ERBB4: variants seen among roughly 807,000 people sequenced by gnomAD.
The protein encoded by ERBB4 is erb-b2 receptor tyrosine kinase 4.
A neutral mutation model predicts 158.0 loss-of-function variants in ERBB4; 42 were observed. The ratio of observed to expected loss-of-function variants is 0.27; its 90% CI spans 0.21 to 0.34. ERBB4 has a LOEUF of 0.34. ERBB4 is among the 10% of genes least tolerant of loss of function. The pLI is 1.00. For synonymous variants in ERBB4, 583 were observed against 558.7 expected, an observed-to-expected ratio of 1.04 and a Z score of -0.61; for missense variants, 1,333 against 1,624.1, an observed-to-expected ratio of 0.82 and a Z score of 3.08.
intron 1 of ERBB4, among the ~76,000 whole-genome samples, chr2:212,176,704 A>G (rs1006099857): frequency 6.6e-6 from 1 of 151,948 alleles, no homozygotes; most frequent in East Asian, 1.9e-4. Flanking sequence ...TAAAGCTCCA[A>G]GTCTGGAATC....
At position 212,526,011 on chromosome 2, in the gene ERBB4, T is replaced by A. The variant is rs558769757; in HGVS notation, c.82+12438A>T. Among the ~76,000 whole-genome samples the A allele has an allele frequency of 4.0e-3, 603 of 152,170 alleles. 6 individuals are homozygous for A. The highest frequency in any genetic ancestry group is 0.014 in the African/African-American group (572 of 41,568). On this transcript the variant is annotated intron_variant, in intron 1 of 27. Transcript: ENST00000342788. Reference sequence around the variant, plus strand: ...TTTATTTTCTGCAGATCTGGAACAATTGAAATATTTTTGGTTCTCCTTTTT... The same window carrying A: ...TTTATTTTCTGCAGATCTGGAACAAATGAAATATTTTTGGTTCTCCTTTTT...
chr2:212,083,844 C>T (rs1266076685), intron 2 of ERBB4, among the ~76,000 whole-genome samples: 1 of 151,376 alleles, frequency 6.6e-6, no homozygotes, highest in Non-Finnish European at 1.5e-5. Context: ...TGTATGGTAT[C>T]CCAAACAGAA....
intron 3 of ERBB4, among the ~76,000 whole-genome samples, chr2:211,941,097 T>A (rs1474586756): frequency 6.6e-6 from 1 of 152,138 alleles, no homozygotes; most frequent in Admixed American, 6.6e-5. Flanking sequence ...GATGAGAGTA[T>A]CATTTCCAGA....
At chr2:211,504,818 A>G (rs2065704847) in intron 20 of ERBB4, among the ~76,000 whole-genome samples, 1 of 152,196 alleles carries the variant, frequency 6.6e-6, no homozygotes, top group Non-Finnish European at 1.5e-5. Context: ...CACAGTTGAA[A>G]GCTTCAACAA....
intron 1 of ERBB4, among the ~76,000 whole-genome samples, chr2:212,249,849 T>C (rs1417071897): frequency 1.3e-5 from 2 of 152,034 alleles, no homozygotes; most frequent in Admixed American, 6.6e-5. Flanking sequence ...TTTTTTCTTA[T>C]TTATGGCAAA....
chr2:212,182,510 G>A (rs1374627725), intron 1 of ERBB4, among the ~76,000 whole-genome samples: 2 of 151,738 alleles, frequency 1.3e-5, no homozygotes, highest in African/African-American at 4.8e-5. Flanking sequence ...TGAATCAAAG[G>A]ACATGAACAT....
At position 211,518,538 on chromosome 2, in the gene ERBB4, T is replaced by C. The variant is rs1399965684; in HGVS notation, c.2487+43365A>G. 5.3e-5 allele frequency among the ~76,000 whole-genome samples: 8 copies of C among 151,820 alleles called. No homozygotes were observed. The East Asian group carries it at 7.8e-4, about 15-fold the overall frequency. Reference sequence around the variant, plus strand: ...GGGTGGTGGTGCACACCTGTAATCCTGGCTACTCAGGAGGCTGAGGCAGGA... The same window carrying C: ...GGGTGGTGGTGCACACCTGTAATCCCGGCTACTCAGGAGGCTGAGGCAGGA... On this transcript the variant is annotated intron_variant, in intron 20 of 27. Transcript: ENST00000342788.
At chr2:211,941,477 T>C (rs2080494869) in intron 3 of ERBB4, among the ~76,000 whole-genome samples, 1 of 152,068 alleles carries the variant, frequency 6.6e-6, no homozygotes, top group Admixed American at 6.6e-5. Flanking sequence ...GTCTCTTGTG[T>C]AGGTCAAGAC....
intron 1 of ERBB4, among the ~76,000 whole-genome samples, chr2:212,249,082 C>G (rs1242895736): frequency 6.6e-6 from 1 of 151,968 alleles, no homozygotes; most frequent in Non-Finnish European, 1.5e-5. Context: ...AGGAACTAGA[C>G]CAGCAACAGA....
rs1228129467 is a variant in ERBB4 at position 211,477,239 on chromosome 2, C to T, written c.2488-46139G>A. On this transcript the variant is annotated intron_variant, in intron 20 of 27. Coordinates refer to ENST00000342788, the MANE Select transcript of ERBB4 (RefSeq NM_005235.3). ...TCCCTTGGACTCCAGCCTGCCAGCC[C>T]TACCCTGTGATTTTAGATTTACCAA... 6.2e-4 allele frequency among the ~76,000 whole-genome samples: 94 copies of T among 152,170 alleles called. 1 individual carries two copies. Among genetic ancestry groups the T allele is most frequent in the Non-Finnish European group, 1.5e-5 (1 of 67,980 alleles).
At chr2:212,483,903 A>G (rs1389700324) in intron 1 of ERBB4, among the ~76,000 whole-genome samples, 1 of 151,796 alleles carries the variant, frequency 6.6e-6, no homozygotes, top group Admixed American at 6.6e-5. Flanking sequence ...CGCCCCTCTA[A>G]TTTTTTTAAT....
chr2:211,493,465 A>T (rs1223995326), intron 20 of ERBB4, among the ~76,000 whole-genome samples: 1 of 152,052 alleles, frequency 6.6e-6, no homozygotes, highest in Non-Finnish European at 1.5e-5. Flanking sequence ...ATTACTAAAA[A>T]TCTCTTAAGA....
intron 1 of ERBB4, among the ~76,000 whole-genome samples, chr2:212,151,853 C>A (rs1416503119): frequency 6.6e-6 from 1 of 151,998 alleles, no homozygotes; most frequent in African/African-American, 2.4e-5. Context: ...TGCACCACTG[C>A]ACTCCAGCTA....
At chr2:212,315,014 T>C (rs2087209856) in intron 1 of ERBB4, among the ~76,000 whole-genome samples, 1 of 151,246 alleles carries the variant, frequency 6.6e-6, no homozygotes, top group Non-Finnish European at 1.5e-5. Context: ...CTTTCTGTAC[T>C]TTGAGATTAC....
chr2:212,487,038 T>C (rs529210740), intron 1 of ERBB4, among the ~76,000 whole-genome samples: 5 of 152,274 alleles, frequency 3.3e-5, no homozygotes, highest in Non-Finnish European at 5.9e-5. Flanking sequence ...CTGTTACTCA[T>C]GTTTGTGAAA....
rs374497887 is a variant in ERBB4, at chr2:212,215,737, T to C, written c.83-90834A>G. ...TGTGAAGGAAATCCCTATTAGCAATTTGATGCAAGTATAGCTTGCATATAT... is the reference window on the plus strand; with the variant it reads ...TGTGAAGGAAATCCCTATTAGCAATCTGATGCAAGTATAGCTTGCATATAT... On this transcript the variant is annotated intron_variant, in intron 1 of 27. Coordinates refer to ENST00000342788, the MANE Select transcript of ERBB4 (RefSeq NM_005235.3). 3.3e-5 allele frequency among the ~76,000 whole-genome samples: 5 copies of C among 151,516 alleles called. No homozygotes were observed. In the South Asian group the frequency reaches 1.0e-3, roughly 31 times the overall value.
In ERBB4 at chr2:212,278,613, CA is replaced by C. The variant is rs754305180; in HGVS notation, c.83-153711del. 1.8e-3 allele frequency among the ~76,000 whole-genome samples: 270 copies of C among 151,722 alleles called. 2 individuals carry two copies. Among genetic ancestry groups the C allele is most frequent in the Admixed American group, 5.0e-3 (76 of 15,176 alleles). Reference sequence around the variant, plus strand: ...TTGGTAACTCTTCTATGCAAAAGCACAGACTAGCTGAAAACAGCAAGTCACA... The same window carrying C: ...TTGGTAACTCTTCTATGCAAAAGCACGACTAGCTGAAAACAGCAAGTCACA... On this transcript the variant is annotated intron_variant, in intron 1 of 27. Transcript: ENST00000342788.
intron 1 of ERBB4, among the ~76,000 whole-genome samples, chr2:212,335,543 G>T (rs1202769833): frequency 1.3e-5 from 2 of 151,930 alleles, no homozygotes; most frequent in African/African-American, 4.8e-5. Context: ...CCCATAAGAA[G>T]ATGCATTTTC....
chr2:211,660,711 T>C (rs2071394669), intron 15 of ERBB4, among the ~76,000 whole-genome samples: 1 of 152,172 alleles, frequency 6.6e-6, no homozygotes, highest in Non-Finnish European at 1.5e-5. Flanking sequence ...TGAAACCATG[T>C]AAGTGAATAG....
Sources: allele counts gnomAD v4.1 joint callset (sites outside exome capture counted in the v4.1 genomes callset), GRCh38; gene constraint gnomAD v4.1.1; transcripts MANE v1.5; gene names NCBI Gene and HGNC (gene_info 2026-07-23, HGNC 2026-07-21).